NR1I2: variants seen among roughly 807,000 people sequenced by gnomAD.
The protein encoded by NR1I2 is orphan nuclear receptor PAR1.
A neutral mutation model predicts 43.3 loss-of-function variants in NR1I2; 42 were observed. That is an observed-to-expected ratio of 0.97 (90% CI 0.76 to 1.26). NR1I2 has a LOEUF of 1.26. Ranked by LOEUF, NR1I2 falls within the 50% of genes most tolerant of loss-of-function variation. The probability of loss-of-function intolerance (pLI) is 0.00; values close to 1 mark genes in which losing one functional copy is unlikely to be tolerated. For missense variants in NR1I2, 559 were observed against 566.7 expected (o/e 0.99, Z 0.14); for synonymous variants, 229 against 215.0 (o/e 1.06, Z -0.57).
intron 8 of NR1I2, 84 bp from the exon 9 acceptor site, chr3:119,816,984 A>C: frequency 6.4e-7 from 1 of 1,561,086 alleles, no homozygotes; most frequent in Non-Finnish European, 8.8e-7. Context: ...TCCAGAGATT[A>C]TGCTTGTGCA....
intron 1 of NR1I2, among the ~76,000 whole-genome samples, chr3:119,789,926 AT>A (rs1470285332): frequency 6.6e-6 from 1 of 152,208 alleles, no homozygotes; most frequent in African/African-American, 2.4e-5. Context: ...GGATTGAAAA[AT>A]TAATTAGTTC....
At chr3:119,786,039 T>C (rs2054838664) in intron 1 of NR1I2, among the ~76,000 whole-genome samples, 1 of 152,208 alleles carries the variant, frequency 6.6e-6, no homozygotes, top group Non-Finnish European at 1.5e-5. Flanking sequence ...CTGTTAAGCA[T>C]TGATTAATTT....
chr3:119,792,414 C>A (rs761225804), intron 1 of NR1I2: 251 of 1,217,386 alleles, frequency 2.1e-4, no homozygotes, highest in Non-Finnish European at 2.8e-4. Flanking sequence ...GGCCAGAACT[C>A]ACTGGCCACT....
chr3:119,811,215 G>T, intron 3 of NR1I2: 1 of 265,662 alleles, frequency 3.8e-6, no homozygotes, highest in Non-Finnish European at 7.2e-6. Flanking sequence ...GGGGTCACAG[G>T]TAGTAAGTGG....
At chr3:119,816,987 C>T (rs2055338353) in intron 8 of NR1I2, 81 bp from the exon 9 acceptor site, 1 of 1,571,842 alleles carries the variant, frequency 6.4e-7, no homozygotes, top group Non-Finnish European at 8.7e-7. Context: ...AGAGATTATG[C>T]TTGTGCAGCC....
chr3:119,793,634 G>A (rs1284573439), intron 1 of NR1I2, among the ~76,000 whole-genome samples: 1 of 152,188 alleles, frequency 6.6e-6, no homozygotes, highest in Non-Finnish European at 1.5e-5. Context: ...ACCCAGGAAA[G>A]CTTTTCTAAT....
intron 8 of NR1I2, 96 bp from the exon 9 acceptor site, chr3:119,816,972 T>C: frequency 1.3e-6 from 2 of 1,520,878 alleles, no homozygotes; most frequent in South Asian, 1.1e-5. Flanking sequence ...TGACCTGAAA[T>C]GTCCAGAGAT....
chr3:119,800,689 C>T (rs2055066806), intron 1 of NR1I2, among the ~76,000 whole-genome samples: 1 of 152,140 alleles, frequency 6.6e-6, no homozygotes, highest in East Asian at 1.9e-4. Flanking sequence ...GGACAAGATG[C>T]CTCTGGATGT....
chr3:119,809,973 C>T, intron 2 of NR1I2, 88 bp from the exon 3 acceptor site: 1 of 1,548,472 alleles, frequency 6.5e-7, no homozygotes, highest in Non-Finnish European at 8.9e-7. Context: ...TCGGTAGGGG[C>T]TGGGGAGGGA....
In NR1I2 at chr3:119,812,803, C is replaced by A; in HGVS notation, c.637C>A (p.Leu213Met). ...AGATCTGTGCTCTTTGAAGGTCTCTCTGCAGCTGCGGGGGGAGGATGGCAG... is the reference window on the plus strand; with the variant it reads ...AGATCTGTGCTCTTTGAAGGTCTCTATGCAGCTGCGGGGGGAGGATGGCAG... Residue 213 changes from leucine (L) to methionine (M), a missense_variant, in exon 5 of 9, where the codon CTG (leucine) becomes ATG (methionine). Coordinates refer to ENST00000393716, the MANE Select transcript of NR1I2 (RefSeq NM_003889.4). The A allele has an allele frequency of 6.2e-7, 1 of 1,614,234 alleles. No homozygotes were observed. Among genetic ancestry groups the A allele is most frequent in the Middle Eastern group, 1.6e-4 (1 of 6,062 alleles).
At position 119,812,841 on chromosome 3, in the gene NR1I2, C is replaced by G; in HGVS notation, c.675C>G (p.Tyr225Ter). Reference sequence around the variant, plus strand: ...GGGAGGATGGCAGTGTCTGGAACTACAAACCCCCAGCCGACAGTGGCGGGA... The same window carrying G: ...GGGAGGATGGCAGTGTCTGGAACTAGAAACCCCCAGCCGACAGTGGCGGGA... Residue 225 changes from tyrosine to a stop codon, truncating the protein, a stop_gained, in exon 5 of 9, where the codon TAC (tyrosine) becomes TAG (stop). Coordinates refer to ENST00000393716, the MANE Select transcript of NR1I2 (RefSeq NM_003889.4). LOFTEE classifies it high-confidence loss of function. 1 of 1,614,238 alleles carries G rather than the reference C, an allele frequency of 6.2e-7. No individual in the cohort carries two copies. Among genetic ancestry groups the G allele is most frequent in the Non-Finnish European group, 8.5e-7 (1 of 1,180,046 alleles).
At chr3:119,794,625 T>A (rs777231750) in intron 1 of NR1I2, among the ~76,000 whole-genome samples, 1 of 152,180 alleles carries the variant, frequency 6.6e-6, no homozygotes, top group Non-Finnish European at 1.5e-5. Context: ...ACACCTGGCC[T>A]ATATTCTTTT....
chr3:119,810,662 A>G (rs181422315), intron 3 of NR1I2: 9 of 174,204 alleles, frequency 5.2e-5, no homozygotes, highest in African/African-American at 1.9e-4. Context: ...GACAGGTGAC[A>G]TGAGGTGTTC....
In NR1I2 at chr3:119,811,608, G is replaced by C. The variant is rs753350624; in HGVS notation, c.401G>C (p.Gly134Ala). The change falls in exon 4 of 9, where the codon GGG becomes GCG. Residue 134 changes from glycine to alanine, a missense_variant. Around this residue, in one of 3 missense-constraint regions of NR1I2, gnomAD observed 232 missense variants for 236.6 expected, o/e 0.98. Transcript: ENST00000393716. ...AAGCGGAAGAAAAGTGAACGGACAG[G>C]GACTCAGCCACTGGGAGTGCAGGGG... The C allele has an allele frequency of 6.2e-7, 1 of 1,613,988 alleles. No homozygotes were observed. Among genetic ancestry groups the C allele is most frequent in the Non-Finnish European group, 8.5e-7 (1 of 1,179,956 alleles).
chr3:119,805,580 G>A (rs2055145613), intron 1 of NR1I2, among the ~76,000 whole-genome samples: 1 of 151,910 alleles, frequency 6.6e-6, no homozygotes, highest in African/African-American at 2.4e-5. Context: ...GTGGGTGCCT[G>A]TAGTCCCAGC....
intron 1 of NR1I2, 84 bp from the exon 2 acceptor site, chr3:119,807,145 C>T: frequency 1.7e-6 from 2 of 1,203,188 alleles, no homozygotes; most frequent in Non-Finnish European, 2.4e-6. Flanking sequence ...GTGAGTGATG[C>T]ATAGAAGGGA....
At chr3:119,813,002 G>T in intron 5 of NR1I2, 42 bp downstream of exon 5, 1 of 1,604,572 alleles carries the variant, frequency 6.2e-7, no homozygotes, top group Non-Finnish European at 8.5e-7. Context: ...GAAAAGAACT[G>T]GAAGTGGCCA....
At chr3:119,813,285 C>T (rs990488481) in intron 5 of NR1I2, among the ~76,000 whole-genome samples, 1 of 152,188 alleles carries the variant, frequency 6.6e-6, no homozygotes, top group Non-Finnish European at 1.5e-5. Context: ...TTCAGATAGT[C>T]TTTTGTACTC....
intron 1 of NR1I2, among the ~76,000 whole-genome samples, chr3:119,787,007 G>T (rs908108588): frequency 6.6e-6 from 1 of 152,140 alleles, no homozygotes; most frequent in African/African-American, 2.4e-5. Context: ...AGATGTTCTG[G>T]CCAGGCATGG....
Sources: allele counts gnomAD v4.1 joint callset (sites outside exome capture counted in the v4.1 genomes callset), GRCh38; gene constraint gnomAD v4.1.1; regional missense constraint gnomAD v4.1.1; transcripts MANE v1.5; gene names NCBI Gene and HGNC (gene_info 2026-07-23, HGNC 2026-07-21).